The following BRD8 variants were observed in gnomAD, a reference collection of about 807,000 sequenced individuals.
The protein encoded by BRD8 is bromodomain containing 8, also known as bromodomain-containing protein 8.
A neutral mutation model predicts 143.1 loss-of-function variants in BRD8; 67 were observed. The observed-to-expected ratio is 0.47, with a 90% CI of 0.38 to 0.57. The LOEUF is 0.57. Ranked by LOEUF, BRD8 falls within the 20% of genes least tolerant of loss-of-function variation. The pLI is 0.00. For synonymous variants in BRD8, 505 were observed against 517.1 expected (o/e 0.98, Z 0.32); for missense variants, 1,103 against 1,503.0 (o/e 0.73, Z 4.40).
At chr5:138,164,501 A>T in intron 12 of BRD8, 88 bp from the exon 13 acceptor site, 1 of 1,370,644 alleles carries the variant, frequency 7.3e-7, no homozygotes, top group Non-Finnish European at 1.0e-6. Context: ...ATGAGACCAT[A>T]GAAGAAATTC....
chr5:138,166,660 G>A lies in BRD8; in HGVS notation c.855C>T (p.Phe285=). 6.2e-7 allele frequency: 1 copy of A among 1,614,004 alleles called. No individual in the cohort carries two copies. ...CTGGAGGCTCACTGGCAACAGTAGT[G>A]AAGGAAGCAAGAGGTGTGGTGAACT... ...PTQFTTPLAS[F]TTVASEPPVK... Residue 285 remains phenylalanine, a synonymous_variant, in exon 10 of 27, where the codon TTC becomes TTT. Transcript: ENST00000254900.
In BRD8 at chr5:138,150,999, A is replaced by G; in HGVS notation, c.2866T>C (p.Leu956=). ...CTGCTGATGCACAAGGGCTCCATTA[A>G]ATAAGCTACCTGCAATCAAAGTTTA... ...LLHFLSEVAY[L]MEPLCISSNE... The change falls in exon 22 of 27, where the codon TTA becomes CTA. Residue 956 remains leucine, a synonymous_variant. Transcript: ENST00000254900. The G allele has an allele frequency of 6.2e-7, 1 of 1,611,102 alleles. No individual in the cohort carries two copies. The highest frequency in any genetic ancestry group is 8.5e-7 in the Non-Finnish European group (1 of 1,179,572).
chr5:138,147,298 A>AT (rs1429184320), intron 23 of BRD8, among the ~76,000 whole-genome samples: 85 of 136,196 alleles, frequency 6.2e-4, no homozygotes, highest in Non-Finnish European at 1.3e-3. Flanking sequence ...GCTCTTCAAA[A>AT]AATATATATA....
rs34496046 is a variant in BRD8 at position 138,144,898 on chromosome 5, C to CAA, written c.3437+277_3437+278dup. On this transcript the variant is annotated intron_variant, in intron 25 of 26. Coordinates refer to ENST00000254900, the MANE Select transcript of BRD8 (RefSeq NM_139199.2). ...CCTGGGCAACAGAGTGAGACCCTGT[C>CAA]AAAAAAAAAAAAAAAAAAAAATATA... Among the ~76,000 whole-genome samples, 822 of 103,346 alleles carry CAA rather than the reference C, an allele frequency of 8.0e-3. 2 individuals are homozygous for CAA. The highest frequency in any genetic ancestry group is 0.016 in the African/African-American group (432 of 26,626). 67.8% of individuals were successfully genotyped at this position (103,346 alleles called of 152,430 possible). A position where few individuals can be genotyped will look rare whatever the true frequency, so the allele number is the denominator to read the frequency against.
chr5:138,172,007 G>A lies in BRD8; in HGVS notation c.186+58C>T, dbSNP rs542776456. 211 of 1,319,758 alleles carry A rather than the reference G, an allele frequency of 1.6e-4. 1 individual carries two copies. Among genetic ancestry groups the A allele is most frequent in the South Asian group, 5.2e-4 (44 of 83,960 alleles). 81.8% of individuals were successfully genotyped at this position (1,319,758 alleles called of 1,614,324 possible). Reference sequence around the variant, plus strand: ...TGTAACTAAAAGTCAGGGCCTGGTAGAGAACCTACTTTACAACCCAAAGAC... The same window carrying A: ...TGTAACTAAAAGTCAGGGCCTGGTAAAGAACCTACTTTACAACCCAAAGAC... On this transcript the variant is annotated intron_variant, in intron 3 of 26. Transcript: ENST00000254900.
At chr5:138,163,001 GAAGGA>G (rs533786705) in intron 15 of BRD8, 124 bp downstream of exon 15, 217 of 836,082 alleles carry the variant, frequency 2.6e-4, no homozygotes, top group African/African-American at 6.1e-4. Context: ...AGAAAAAAGA[GAAGGA>G]AAGGAAAGGA....
In BRD8 at chr5:138,164,423, A is replaced by C. The variant is rs1364044259; in HGVS notation, c.1732-10T>G. 6.2e-7 allele frequency: 1 copy of C among 1,612,630 alleles called. No individual in the cohort carries two copies. The highest frequency in any genetic ancestry group is 8.5e-7 in the Non-Finnish European group (1 of 1,178,712). The stretch of plus-strand genomic sequence containing the variant: ...TGCTTTCAGGGGATGCCTGAAAACC[A>C]GAAAAGAAAAAACACCCTAAGTACT... On this transcript the variant is annotated splice_polypyrimidine_tract_variant and intron_variant, in intron 12 of 26. Coordinates refer to ENST00000254900, the MANE Select transcript of BRD8 (RefSeq NM_139199.2).
chr5:138,165,574 A>C (rs1327106958), intron 11 of BRD8, among the ~76,000 whole-genome samples: 1 of 152,052 alleles, frequency 6.6e-6, no homozygotes, highest in East Asian at 1.9e-4. Context: ...AAAATACAAA[A>C]AATTAGTGAG....
intron 23 of BRD8, among the ~76,000 whole-genome samples, chr5:138,148,160 A>G (rs932020797): frequency 2.9e-5 from 3 of 102,616 alleles, no homozygotes; most frequent in Admixed American, 2.8e-4. Flanking sequence ...GATGAGCTGG[A>G]AAAAAAAAAA....
intron 13 of BRD8, 75 bp from the exon 14 acceptor site, chr5:138,164,208 C>T: frequency 6.3e-7 from 1 of 1,582,366 alleles, no homozygotes; most frequent in Middle Eastern, 1.7e-4. Flanking sequence ...TAATCCCCTG[C>T]AGCTCTCCTT....
rs1416554112 is a variant in BRD8 at position 138,164,420 on chromosome 5, A to G, written c.1732-7T>C. On this transcript the variant is annotated splice_region_variant and splice_polypyrimidine_tract_variant and intron_variant, in intron 12 of 26. Coordinates refer to ENST00000254900, the MANE Select transcript of BRD8 (RefSeq NM_139199.2). ...ACATGCTTTCAGGGGATGCCTGAAAACCAGAAAAGAAAAAACACCCTAAGT... is the reference window on the plus strand; with the variant it reads ...ACATGCTTTCAGGGGATGCCTGAAAGCCAGAAAAGAAAAAACACCCTAAGT... The G allele has an allele frequency of 6.2e-6, 10 of 1,612,986 alleles. 1 individual carries two copies. In the South Asian group the frequency reaches 8.8e-5, roughly 14 times the overall value.
In BRD8 at chr5:138,166,011, A is replaced by C; in HGVS notation, c.1095T>G (p.Asn365Lys). 6.2e-7 allele frequency: 1 copy of C among 1,614,230 alleles called. No homozygotes were observed. Among genetic ancestry groups the C allele is most frequent in the Non-Finnish European group, 8.5e-7 (1 of 1,180,048 alleles). ...MDSSEISMIINSIKEECFRSG... is the reference protein window; with the variant it reads ...MDSSEISMIIKSIKEECFRSG... ...ATCGAAAACACTCTTCTTTGATAGA[A>C]TTGATGATCATGGATATTTCACTGC... The change falls in exon 11 of 27, where the codon AAT (asparagine) becomes AAG (lysine). Residue 365 changes from asparagine (N) to lysine (K), a missense_variant. This residue lies in a region of BRD8 where 334 missense variants were observed against 372.5 expected (regional missense o/e 0.90). Transcript: ENST00000254900.
chr5:138,168,228 A>G (rs1265091825), intron 8 of BRD8, 150 bp from the exon 9 acceptor site: 3 of 693,046 alleles, frequency 4.3e-6, no homozygotes, highest in Admixed American at 2.8e-5. Context: ...ACTCTAAACT[A>G]TAATGTTCAA....
At chr5:138,153,292 A>G (rs1054083128) in intron 20 of BRD8, among the ~76,000 whole-genome samples, 2 of 152,186 alleles carry the variant, frequency 1.3e-5, no homozygotes, top group African/African-American at 4.8e-5. Flanking sequence ...AGCTTAAAAT[A>G]TATCTTCCCT....
chr5:138,156,944 A>G, intron 20 of BRD8: 1 of 1,263,206 alleles, frequency 7.9e-7, no homozygotes, highest in Non-Finnish European at 1.0e-6. Flanking sequence ...TTTTTTTTAA[A>G]AAGTCTGTAC....
At chr5:138,144,762 C>T (rs138350588) in intron 25 of BRD8, among the ~76,000 whole-genome samples, 3 of 151,760 alleles carry the variant, frequency 2.0e-5, no homozygotes, top group East Asian at 1.9e-4. Flanking sequence ...ATTAGCCGGA[C>T]GTGATGGCTC....
chr5:138,159,680 C>A, intron 19 of BRD8, 81 bp from the exon 20 acceptor site: 4 of 1,371,670 alleles, frequency 2.9e-6, no homozygotes, highest in Non-Finnish European at 4.1e-6. Flanking sequence ...GACAGAGACA[C>A]AAGCACCACA....
At chr5:138,172,723 C>T (rs777589086) in intron 2 of BRD8, 29 of 408,150 alleles carry the variant, frequency 7.1e-5, no homozygotes, top group Non-Finnish European at 8.1e-5. Context: ...TGCGTACCTG[C>T]GGCCTGTGGT....
At chr5:138,145,136 T>C (rs1453354984) in intron 25 of BRD8, 41 bp downstream of exon 25, 2 of 1,568,962 alleles carry the variant, frequency 1.3e-6, no homozygotes, top group African/African-American at 1.4e-5. Context: ...AAAAGGCAGA[T>C]ATAAAAGCAA....
Sources: allele counts gnomAD v4.1 joint callset (sites outside exome capture counted in the v4.1 genomes callset), GRCh38; gene constraint gnomAD v4.1.1; regional missense constraint gnomAD v4.1.1; transcripts MANE v1.5; gene names NCBI Gene and HGNC (gene_info 2026-07-23, HGNC 2026-07-21).